The following GALNT17 variants were observed in gnomAD, a reference collection of about 807,000 sequenced individuals.
GALNT17 encodes UDP-GalNAc:polypeptide N-acetylgalactosaminyltransferase-like 3.
In GALNT17, 29 loss-of-function variants were observed where a neutral mutation model predicts 63.7. The ratio of observed to expected loss-of-function variants is 0.46; its 90% CI spans 0.34 to 0.62. GALNT17 has a LOEUF of 0.62. Among genes scored for constraint, GALNT17 ranks in the 20% least tolerant of loss-of-function variants. The probability of loss-of-function intolerance (pLI) is 0.01; values close to 1 mark genes in which losing one functional copy is unlikely to be tolerated. For missense variants in GALNT17, 603 were observed against 799.6 expected (o/e 0.75, Z 2.97); for synonymous variants, 305 against 318.3 (o/e 0.96, Z 0.45).
chr7:71,395,455 A>G (rs150203903), intron 3 of GALNT17, among the ~76,000 whole-genome samples: 1 of 152,328 alleles, frequency 6.6e-6, no homozygotes, highest in African/African-American at 2.4e-5. Context: ...GAGTATAGAT[A>G]CAGCACATTT....
intron 6 of GALNT17, among the ~76,000 whole-genome samples, chr7:71,639,388 G>A (rs769435782): frequency 3.3e-5 from 5 of 152,196 alleles, no homozygotes; most frequent in African/African-American, 1.2e-4. Flanking sequence ...GTAACCATCT[G>A]TGGAGGCCCC....
At chr7:71,602,206 C>G (rs1204436379) in intron 6 of GALNT17, among the ~76,000 whole-genome samples, 1 of 152,242 alleles carries the variant, frequency 6.6e-6, no homozygotes, top group African/African-American at 2.4e-5. Flanking sequence ...GTATTTCTCA[C>G]CCAAACTTTT....
At chr7:71,436,764 C>T (rs1366217633) in intron 5 of GALNT17, among the ~76,000 whole-genome samples, 1 of 151,996 alleles carries the variant, frequency 6.6e-6, no homozygotes, top group Non-Finnish European at 1.5e-5. Context: ...ATCCATGTTT[C>T]CACACTTTCG....
intron 2 of GALNT17, among the ~76,000 whole-genome samples, chr7:71,348,847 T>G (rs565319847): frequency 6.6e-6 from 1 of 152,324 alleles, no homozygotes; most frequent in East Asian, 1.9e-4. Flanking sequence ...TTTGTGTTTC[T>G]AGGGGATTAT....
At chr7:71,299,319 C>T (rs766865316) in intron 1 of GALNT17, among the ~76,000 whole-genome samples, 2 of 152,122 alleles carry the variant, frequency 1.3e-5, no homozygotes, top group Non-Finnish European at 2.9e-5. Context: ...TCCTTGCAGA[C>T]GAGAGGATGG....
intron 2 of GALNT17, among the ~76,000 whole-genome samples, chr7:71,337,873 A>G (rs1237746471): frequency 6.6e-6 from 1 of 150,390 alleles, no homozygotes; most frequent in Non-Finnish European, 1.5e-5. Context: ...ATCTCAGAAC[A>G]AACAAACAAA....
chr7:71,309,575 C>A (rs796957848), intron 1 of GALNT17, among the ~76,000 whole-genome samples: 16 of 152,172 alleles, frequency 1.1e-4, no homozygotes, highest in African/African-American at 3.6e-4. Flanking sequence ...CCCAAGCTAT[C>A]CTTTTATTTA....
chr7:71,481,274 T>C (rs1310484515), intron 5 of GALNT17, among the ~76,000 whole-genome samples: 1 of 151,892 alleles, frequency 6.6e-6, no homozygotes, highest in Non-Finnish European at 1.5e-5. Flanking sequence ...TGGTGAAACC[T>C]CATCTCTAGT....
intron 5 of GALNT17, among the ~76,000 whole-genome samples, chr7:71,523,009 C>T (rs1318991961): frequency 6.6e-6 from 1 of 151,946 alleles, no homozygotes; most frequent in East Asian, 1.9e-4. Context: ...AGTTCAAGAC[C>T]ATCCTGGGCA....
chr7:71,618,861 G>T (rs1233019472), intron 6 of GALNT17, among the ~76,000 whole-genome samples: 1 of 151,996 alleles, frequency 6.6e-6, no homozygotes, highest in Non-Finnish European at 1.5e-5. Flanking sequence ...TTGCTTTTGG[G>T]GACTTAGCCA....
At position 71,388,499 on chromosome 7, in the gene GALNT17, C is replaced by T; in HGVS notation, c.589+98C>T. 2.1e-6 allele frequency: 3 copies of T among 1,409,860 alleles called. No homozygotes were observed. The East Asian group carries it at 7.1e-5, about 33-fold the overall frequency. The allele number at this position is 1,409,860 out of a possible 1,614,324, so 87.3% of individuals were successfully genotyped here. Reference sequence around the variant, plus strand: ...GCCCGAGCATCTGTGTCTCCTGGTCCCTGGAGCATATCTGGGGAAGGGATA... The same window carrying T: ...GCCCGAGCATCTGTGTCTCCTGGTCTCTGGAGCATATCTGGGGAAGGGATA... On this transcript the variant is annotated intron_variant, in intron 3 of 10. Transcript: ENST00000333538.
At chr7:71,570,242 C>T (rs985152917) in intron 5 of GALNT17, among the ~76,000 whole-genome samples, 6 of 152,214 alleles carry the variant, frequency 3.9e-5, no homozygotes, top group Admixed American at 6.5e-5. Context: ...TTACTCTACA[C>T]GTGCTCTCTT....
intron 1 of GALNT17, among the ~76,000 whole-genome samples, chr7:71,275,782 G>A (rs1307972424): frequency 1.3e-5 from 2 of 152,178 alleles, no homozygotes; most frequent in African/African-American, 4.8e-5. Flanking sequence ...TTCCCCTAAG[G>A]CATCAACTGC....
At chr7:71,179,090 C>A (rs763438774) in intron 1 of GALNT17, among the ~76,000 whole-genome samples, 7 of 152,094 alleles carry the variant, frequency 4.6e-5, no homozygotes, top group Admixed American at 1.3e-4. Context: ...AGGAAAATAC[C>A]CTGGGTCCCC....
At chr7:71,386,459 C>G (rs1211331740) in intron 2 of GALNT17, among the ~76,000 whole-genome samples, 1 of 152,112 alleles carries the variant, frequency 6.6e-6, no homozygotes, top group Non-Finnish European at 1.5e-5. Context: ...CACTCCATTC[C>G]ACTGTGTTTC....
intron 1 of GALNT17, among the ~76,000 whole-genome samples, chr7:71,136,316 A>G (rs1003202433): frequency 1.3e-5 from 2 of 152,294 alleles, no homozygotes; most frequent in Admixed American, 1.3e-4. Context: ...CTTGGAATTA[A>G]TGGAGAGGCT....
intron 1 of GALNT17, among the ~76,000 whole-genome samples, chr7:71,166,664 GTTTA>G (rs1788446457): frequency 6.6e-6 from 1 of 152,054 alleles, no homozygotes; most frequent in African/African-American, 2.4e-5. Context: ...TGTATCCATC[GTTTA>G]TTTACTTTTA....
Position 71,230,978 on chromosome 7 carries a change from C to T in GALNT17, c.238+97938C>T, listed in dbSNP as rs565025006. Reference sequence around the variant, plus strand: ...ACCAGCTCTCTGTGTCTGAACAAGCCCTCTGGGTAATACTGATGCAGGAAC... The same window carrying T: ...ACCAGCTCTCTGTGTCTGAACAAGCTCTCTGGGTAATACTGATGCAGGAAC... On this transcript the variant is annotated intron_variant, in intron 1 of 10. Coordinates refer to ENST00000333538, the MANE Select transcript of GALNT17 (RefSeq NM_022479.3). 1.6e-4 allele frequency among the ~76,000 whole-genome samples: 24 copies of T among 151,990 alleles called. No homozygotes were observed. The Middle Eastern group carries it at 0.01, about 65-fold the overall frequency.
Position 71,677,285 on chromosome 7 carries a change from G to T in GALNT17, c.1479G>T (p.Pro493=). ...AGAACCACACAGCAATATTGTATCC[G>T]TGCCATGGCTGGGGACCACAGGTAG... The part of the protein sequence containing the change: ...PLENHTAILY[P]CHGWGPQLAR... The change falls in exon 9 of 11, where the codon CCG becomes CCT. Residue 493 remains proline (P), a synonymous_variant. Transcript: ENST00000333538. The T allele has an allele frequency of 6.2e-7, 1 of 1,613,874 alleles. No homozygotes were observed. The highest frequency in any genetic ancestry group is 8.5e-7 in the Non-Finnish European group (1 of 1,179,912).
Sources: gnomAD v4.1 joint callset for allele counts (sites outside exome capture counted in the v4.1 genomes callset) on GRCh38, gnomAD v4.1.1 for gene constraint, MANE v1.5 for transcripts, NCBI Gene and HGNC (gene_info 2026-07-23, HGNC 2026-07-21) for gene names.